SLC2A3: variants seen among roughly 807,000 people sequenced by gnomAD.
SLC2A3 encodes solute carrier family 2 member 3, also known as solute carrier family 2, facilitated glucose transporter member 3.
In SLC2A3, 21 loss-of-function variants were observed where a neutral mutation model predicts 46.4. The observed-to-expected ratio is 0.45, with a 90% CI of 0.32 to 0.65. SLC2A3 has a LOEUF of 0.65. SLC2A3 is among the 30% of genes least tolerant of loss of function. The pLI is 0.04. For synonymous variants in SLC2A3, 213 were observed against 239.4 expected (o/e 0.89, Z 1.02); for missense variants, 499 against 623.3 (o/e 0.80, Z 2.12).
rs1407311240 is a variant in SLC2A3 at position 7,920,195 on chromosome 12, T to TA, written c.*1217dup. 6.6e-6 allele frequency: 1 copy of TA among 152,554 alleles called. No individual in the cohort carries two copies. Among genetic ancestry groups the TA allele is most frequent in the African/African-American group, 2.4e-5 (1 of 41,442 alleles). 9.5% of individuals were successfully genotyped at this position (152,554 alleles called of 1,614,324 possible). ...ATAAACATTCTTTGGGGAATTCCTT[T>TA]AAAGGTATGAGTTAAAATACAACAG... On this transcript the variant is annotated 3_prime_UTR_variant, in exon 10 of 10. Coordinates refer to ENST00000075120, the MANE Select transcript of SLC2A3 (RefSeq NM_006931.3).
At chr12:7,925,003 A>G (rs1946079681) in intron 7 of SLC2A3, among the ~76,000 whole-genome samples, 1 of 152,292 alleles carries the variant, frequency 6.6e-6, no homozygotes, top group South Asian at 2.1e-4. Context: ...AAGTCTGCAT[A>G]AAAGGCCCAA....
rs1445104022 is a variant in SLC2A3 at position 7,929,744 on chromosome 12, T to C, written c.801A>G (p.Arg267=). 1 of 1,613,550 alleles carries C rather than the reference T, an allele frequency of 6.2e-7. No homozygotes were observed. Among genetic ancestry groups the C allele is most frequent in the Non-Finnish European group, 8.5e-7 (1 of 1,179,648 alleles). The change falls in exon 6 of 10, where the codon CGA becomes CGG. Residue 267 remains arginine, a synonymous_variant. Transcript: ENST00000075120. Reference sequence around the variant, plus strand: ...GCACAATGGAAATGATGATGGGCTGTCGGTAGCTGGACACTCTAAAGAGCT... The same window carrying C: ...GCACAATGGAAATGATGATGGGCTGCCGGTAGCTGGACACTCTAAAGAGCT... ...VLELFRVSSY[R]QPIIISIVLQ...
intron 1 of SLC2A3, among the ~76,000 whole-genome samples, chr12:7,935,248 G>T (rs1275633036): frequency 1.3e-5 from 2 of 152,098 alleles, no homozygotes; most frequent in African/African-American, 4.8e-5. Flanking sequence ...GAGGTCGGGA[G>T]TCGAGACCAG....
In SLC2A3 at chr12:7,933,021, A is replaced by T. The variant is rs1946173564; in HGVS notation, c.235T>A (p.Phe79Ile). Residue 79 changes from phenylalanine (F) to isoleucine (I), a missense_variant, in exon 3 of 10, where the codon TTT (phenylalanine) becomes ATT (isoleucine). This residue lies in a region of SLC2A3 where 248 missense variants were observed against 284.0 expected (regional missense o/e 0.87). Transcript: ENST00000075120. ...IFSVGGMIGS[F>I]SVGLFVNRFG... ...CGGTTGACGAAGAGTCCGACGGAAA[A>T]GGAGCCGATCATACCCCCGACGGAA... 6.2e-7 allele frequency: 1 copy of T among 1,614,010 alleles called. No individual in the cohort carries two copies.
At chr12:7,923,097 T>C (rs975302440) in intron 8 of SLC2A3, 73 bp from the exon 9 acceptor site, 7 of 1,398,806 alleles carry the variant, frequency 5.0e-6, no homozygotes, top group Non-Finnish European at 6.8e-6. Flanking sequence ...CCAGAAGCAA[T>C]TAACGGCAAG....
At chr12:7,930,321 T>C (rs942352859) in intron 5 of SLC2A3, 159 bp downstream of exon 5, 2 of 763,222 alleles carry the variant, frequency 2.6e-6, no homozygotes, top group African/African-American at 3.5e-5. Context: ...CACCTCATTC[T>C]TTAGGGGCTG....
chr12:7,923,346 ATT>A (rs906522967), intron 8 of SLC2A3: 2 of 212,228 alleles, frequency 9.4e-6, no homozygotes, highest in South Asian at 1.9e-4. Context: ...TTAAAAAAAA[ATT>A]TTTTTTTTGG....
chr12:7,926,191 A>C (rs1398166239), intron 6 of SLC2A3, among the ~76,000 whole-genome samples: 1 of 152,140 alleles, frequency 6.6e-6, no homozygotes, highest in African/African-American at 2.4e-5. Flanking sequence ...TCCCAGATTC[A>C]AGCGATTCTC....
rs1946013105 is a variant in SLC2A3 at position 7,919,425 on chromosome 12, C to T, written c.*1988G>A. 1 of 149,598 alleles carries T rather than the reference C, an allele frequency of 6.7e-6. No homozygotes were observed. Among genetic ancestry groups the T allele is most frequent in the South Asian group, 2.1e-4 (1 of 4,788 alleles). 9.3% of individuals were successfully genotyped at this position (149,598 alleles called of 1,614,324 possible). A position where few individuals can be genotyped will look rare whatever the true frequency, so the allele number is the denominator to read the frequency against. ...CTAAAGCACACTTGATAGCTATGTG[C>T]ATTTTTTTTTTTTTGAGACGGAGTC... On this transcript the variant is annotated 3_prime_UTR_variant, in exon 10 of 10. Transcript: ENST00000075120.
Position 7,931,340 on chromosome 12 carries a change from G to A in SLC2A3, c.415C>T (p.Pro139Ser), listed in dbSNP as rs911420944. Residue 139 changes from proline (P) to serine (S), a missense_variant, in exon 4 of 10, where the codon CCC (proline) becomes TCC (serine). Pro to Ser is a moderately conservative substitution (Grantham distance 74, BLOSUM62 -1). Transcript: ENST00000075120. ...GGCGAGATCTCTCCAATGTACATGG[G>A]CACAAAACCTGTGCAGAGTCCGCAG... Reference protein sequence around the residue: ...LFCGLCTGFVPMYIGEISPTA... With the variant: ...LFCGLCTGFVSMYIGEISPTA... 6.2e-7 allele frequency: 1 copy of A among 1,614,128 alleles called. No individual in the cohort carries two copies. The highest frequency in any genetic ancestry group is 8.5e-7 in the Non-Finnish European group (1 of 1,180,006).
chr12:7,932,168 C>A (rs1004767854), intron 3 of SLC2A3, among the ~76,000 whole-genome samples: 1 of 151,332 alleles, frequency 6.6e-6, no homozygotes, highest in Non-Finnish European at 1.5e-5. Context: ...GCGTGAGCCA[C>A]GGCACCGGCT....
intron 6 of SLC2A3, among the ~76,000 whole-genome samples, chr12:7,929,334 C>A (rs74974190): frequency 6.6e-6 from 1 of 152,018 alleles, no homozygotes; most frequent in Non-Finnish European, 1.5e-5. Context: ...TCCGTTGTGC[C>A]GCCCTCTTTA....
At chr12:7,930,820 G>T (rs894345355) in intron 4 of SLC2A3, among the ~76,000 whole-genome samples, 178 bp from the exon 5 acceptor site, 1 of 127,840 alleles carries the variant, frequency 7.8e-6, no homozygotes, top group African/African-American at 3.0e-5. Context: ...TTTTTGAGAC[G>T]GAGTCTTGCT....
Position 7,925,870 on chromosome 12 carries a change from C to A in SLC2A3, c.940G>T (p.Val314Phe). Residue 314 changes from valine to phenylalanine, a missense_variant, in exon 7 of 10, where the codon GTT (valine) becomes TTT (phenylalanine). Physicochemically the swap from Val to Phe is conservative, Grantham distance 50. Coordinates refer to ENST00000075120, the MANE Select transcript of SLC2A3 (RefSeq NM_006931.3). ...GAAACTACAGTGAAGATAGTATTAA[C>A]CACACCCGCGCCGATGGTGGCATAG... The part of the protein sequence containing the change: ...PIYATIGAGV[V>F]NTIFTVVSLF... 6.2e-7 allele frequency: 1 copy of A among 1,613,490 alleles called. No individual in the cohort carries two copies. The highest frequency in any genetic ancestry group is 8.5e-7 in the Non-Finnish European group (1 of 1,179,680).
chr12:7,928,023 T>C (rs1402962763), intron 6 of SLC2A3, among the ~76,000 whole-genome samples: 7 of 151,948 alleles, frequency 4.6e-5, no homozygotes, highest in African/African-American at 1.5e-4. Context: ...GGAGAATCAT[T>C]TGAACCCAGG....
chr12:7,936,154 G>C lies in SLC2A3; in HGVS notation c.-120C>G. 1 of 840,776 alleles carries C rather than the reference G, an allele frequency of 1.2e-6. No homozygotes were observed. The highest frequency in any genetic ancestry group is 3.0e-4 in the Middle Eastern group (1 of 3,310). 52.1% of individuals were successfully genotyped at this position (840,776 alleles called of 1,614,324 possible). ...CAGCAAGTTTTCTCCACGTCCTCAG[G>C]AAGGATCCAAAGTCTTACCATTACA... On this transcript the variant is annotated 5_prime_UTR_variant, in exon 1 of 10. Transcript: ENST00000075120.
chr12:7,935,280 C>G (rs2300144), intron 1 of SLC2A3, among the ~76,000 whole-genome samples: 1 of 152,028 alleles, frequency 6.6e-6, no homozygotes, highest in African/African-American at 2.4e-5. Context: ...TAGAGAAACC[C>G]CGTCTCTACT....
intron 9 of SLC2A3, among the ~76,000 whole-genome samples, chr12:7,921,960 A>G (rs1946040752): frequency 6.6e-6 from 1 of 152,026 alleles, no homozygotes; most frequent in African/African-American, 2.4e-5. Context: ...TGGGAGGTCA[A>G]GGTGGGAGGA....
chr12:7,922,699 C>A lies in SLC2A3; in HGVS notation c.1272+122G>T. The A allele has an allele frequency of 2.1e-6, 3 of 1,399,752 alleles. No homozygotes were observed. The South Asian group carries it at 4.1e-5, about 19-fold the overall frequency. 86.7% of individuals were successfully genotyped at this position (1,399,752 alleles called of 1,614,324 possible). On this transcript the variant is annotated intron_variant, in intron 9 of 9. Transcript: ENST00000075120. The stretch of plus-strand genomic sequence containing the variant: ...CCTCAGGTGATCCACCCGCCTCAGC[C>A]TCCCACAGTGCTAGGATTACAGGCA...
Sources: gnomAD v4.1 joint callset for allele counts (sites outside exome capture counted in the v4.1 genomes callset) on GRCh38, gnomAD v4.1.1 for gene constraint, gnomAD v4.1.1 regional missense constraint, MANE v1.5 for transcripts, NCBI Gene and HGNC (gene_info 2026-07-23, HGNC 2026-07-21) for gene names.